The following HCN1 variants were observed in gnomAD, a reference collection of about 807,000 sequenced individuals.
HCN1 encodes hyperpolarization activated cyclic nucleotide gated potassium channel 1.
A neutral mutation model predicts 78.9 loss-of-function variants in HCN1; 13 were observed. The observed-to-expected ratio is 0.16, with a 90% CI of 0.11 to 0.26. The LOEUF (loss-of-function observed/expected upper bound fraction) is 0.26, where lower values mean the gene tolerates loss of function less well. Among genes scored for constraint, HCN1 ranks in the 10% least tolerant of loss-of-function variants. The pLI is 1.00. For synonymous variants in HCN1, 552 were observed against 455.5 expected (o/e 1.21, Z -2.70); for missense variants, 810 against 1,154.3 (o/e 0.70, Z 4.32).
intron 4 of HCN1, among the ~76,000 whole-genome samples, chr5:45,372,259 T>TTA (rs1179388725): frequency 8.0e-5 from 4 of 49,984 alleles, no homozygotes; most frequent in African/African-American, 2.3e-4. Flanking sequence ...TAATATATAT[T>TTA]TATATATATA....
chr5:45,531,324 C>T (rs1217534595), intron 2 of HCN1, among the ~76,000 whole-genome samples: 1 of 152,066 alleles, frequency 6.6e-6, no homozygotes, highest in African/African-American at 2.4e-5. Context: ...TCCTTAATTG[C>T]TTAATTAATT....
At chr5:45,372,121 A>C (rs1364445739) in intron 4 of HCN1, among the ~76,000 whole-genome samples, 7 of 55,876 alleles carry the variant, frequency 1.3e-4, no homozygotes, top group Non-Finnish European at 1.6e-4. Context: ...ATAATTATAT[A>C]TTATATATAT....
At chr5:45,350,389 C>T (rs1746865674) in intron 5 of HCN1, among the ~76,000 whole-genome samples, 1 of 152,112 alleles carries the variant, frequency 6.6e-6, no homozygotes, top group Admixed American at 6.6e-5. Context: ...ATAATAAGAG[C>T]TATCTATGAC....
chr5:45,616,322 T>C (rs1413315684), intron 2 of HCN1, among the ~76,000 whole-genome samples: 2 of 151,970 alleles, frequency 1.3e-5, no homozygotes, highest in African/African-American at 4.8e-5. Context: ...ACTTATCAGA[T>C]GCTCAATTTG....
intron 5 of HCN1, among the ~76,000 whole-genome samples, chr5:45,340,780 T>A (rs1746562064): frequency 6.6e-6 from 1 of 152,156 alleles, no homozygotes; most frequent in Non-Finnish European, 1.5e-5. Context: ...ACAACACATC[T>A]GAATAGGATC....
chr5:45,447,641 A>G (rs1334122691), intron 3 of HCN1, among the ~76,000 whole-genome samples: 3 of 152,166 alleles, frequency 2.0e-5, no homozygotes, highest in Non-Finnish European at 2.9e-5. Flanking sequence ...CAATTTATCA[A>G]TCTGTACTTT....
At chr5:45,611,251 T>C (rs1198015296) in intron 2 of HCN1, among the ~76,000 whole-genome samples, 2 of 140,054 alleles carry the variant, frequency 1.4e-5, no homozygotes, top group African/African-American at 5.1e-5. Context: ...GAGATTTTTC[T>C]TTTTTTTTTA....
At chr5:45,402,406 G>C (rs1199275952) in intron 3 of HCN1, among the ~76,000 whole-genome samples, 3 of 152,092 alleles carry the variant, frequency 2.0e-5, no homozygotes, top group South Asian at 2.1e-4. Flanking sequence ...TGGCAGAGGT[G>C]CTATTAATAT....
intron 2 of HCN1, among the ~76,000 whole-genome samples, chr5:45,618,708 C>T (rs1745001036): frequency 6.6e-6 from 1 of 151,924 alleles, no homozygotes; most frequent in Non-Finnish European, 1.5e-5. Context: ...GAACAAATTC[C>T]ATATTATATT....
intron 4 of HCN1, among the ~76,000 whole-genome samples, chr5:45,372,087 TTA>T (rs1234893690): frequency 3.6e-4 from 21 of 57,806 alleles, no homozygotes; most frequent in South Asian, 9.3e-4. Context: ...TATAATATAA[TTA>T]TATATATATT....
chr5:45,329,905 T>A, intron 5 of HCN1, among the ~76,000 whole-genome samples: 1 of 151,404 alleles, frequency 6.6e-6, no homozygotes, highest in East Asian at 1.9e-4. Context: ...ATTATTATTT[T>A]AATTTTACAG....
At chr5:45,280,258 C>T (rs766798166) in intron 6 of HCN1, among the ~76,000 whole-genome samples, 17 of 152,048 alleles carry the variant, frequency 1.1e-4, no homozygotes, top group Non-Finnish European at 2.2e-4. Flanking sequence ...AACTCCTAGA[C>T]AGAAAGATGA....
chr5:45,415,625 G>C (rs1447334796), intron 3 of HCN1, among the ~76,000 whole-genome samples: 1 of 152,014 alleles, frequency 6.6e-6, no homozygotes, highest in Non-Finnish European at 1.5e-5. Flanking sequence ...AGTGTTTCAA[G>C]ATGCAGCTCA....
intron 3 of HCN1, among the ~76,000 whole-genome samples, chr5:45,457,150 T>A (rs1288891612): frequency 1.3e-5 from 2 of 152,100 alleles, no homozygotes; most frequent in East Asian, 3.9e-4. Flanking sequence ...AGGAATGTAC[T>A]GTTTAGCTGA....
At chr5:45,360,514 G>A (rs2111990850) in intron 4 of HCN1, among the ~76,000 whole-genome samples, 2 of 152,060 alleles carry the variant, frequency 1.3e-5, no homozygotes, top group Middle Eastern at 3.4e-3. Flanking sequence ...ATATAGAAAA[G>A]CTGGGTAATA....
chr5:45,372,648 TATATAAAACATTTATATATAAAA>T (rs1747433404), intron 4 of HCN1, among the ~76,000 whole-genome samples: 1 of 105,866 alleles, frequency 9.4e-6, no homozygotes, highest in Admixed American at 1.0e-4. Context: ...TATATAAAAA[TATATAAAACATTTATATATAAAA>T]ATATAAAATA....
intron 1 of HCN1, among the ~76,000 whole-genome samples, chr5:45,681,847 T>G (rs921274806): frequency 3.3e-5 from 5 of 152,124 alleles, no homozygotes; most frequent in Non-Finnish European, 5.9e-5. Flanking sequence ...CTAAAGGCAA[T>G]GACATTTAAA....
At chr5:45,555,094 A>G (rs1743444689) in intron 2 of HCN1, among the ~76,000 whole-genome samples, 1 of 151,936 alleles carries the variant, frequency 6.6e-6, no homozygotes, top group South Asian at 2.1e-4. Context: ...TTGGAAAGGA[A>G]GAAGTCAAAT....
intron 2 of HCN1, among the ~76,000 whole-genome samples, chr5:45,494,871 G>T (rs1482766961): frequency 6.6e-6 from 1 of 151,948 alleles, no homozygotes; most frequent in East Asian, 1.9e-4. Context: ...TTTCCCCATT[G>T]CTTGTTTTTC....
Sources: allele counts gnomAD v4.1 joint callset (sites outside exome capture counted in the v4.1 genomes callset), GRCh38; gene constraint gnomAD v4.1.1; transcripts MANE v1.5; gene names NCBI Gene and HGNC (gene_info 2026-07-23, HGNC 2026-07-21).